The following FMN1 variants were observed in gnomAD, a reference collection of about 807,000 sequenced individuals.
FMN1 encodes the protein formin-1.
Under a neutral mutation model 132.4 loss-of-function variants are expected in FMN1, and 110 were observed. That is an observed-to-expected ratio of 0.83 (90% confidence interval 0.71 to 0.97). The LOEUF is 0.97. FMN1 is among the 50% of genes least tolerant of loss of function. The pLI, the probability that FMN1 is intolerant of heterozygous loss-of-function variation, is 0.00. For missense variants in FMN1, 1,792 were observed against 1,705.3 expected, an observed-to-expected ratio of 1.05 and a Z score of -0.90; for synonymous variants, 722 against 651.7, an observed-to-expected ratio of 1.11 and a Z score of -1.64.
intron 20 of FMN1, among the ~76,000 whole-genome samples, chr15:32,775,987 C>A (rs1345829020): frequency 6.6e-6 from 1 of 152,156 alleles, no homozygotes; most frequent in East Asian, 1.9e-4. Context: ...AGCTGAAATT[C>A]ACAGCAACAA....
intron 16 of FMN1, among the ~76,000 whole-genome samples, chr15:32,874,555 T>A (rs2059594705): frequency 6.6e-6 from 1 of 152,118 alleles, no homozygotes; most frequent in Non-Finnish European, 1.5e-5. Context: ...GGAGGGAAAA[T>A]TCTATATACC....
intron 7 of FMN1, among the ~76,000 whole-genome samples, chr15:32,998,248 T>C (rs1220740933): frequency 6.6e-6 from 1 of 152,252 alleles, no homozygotes; most frequent in Non-Finnish European, 1.5e-5. Flanking sequence ...AATAGCCTTC[T>C]ACCTAAATAC....
intron 7 of FMN1, among the ~76,000 whole-genome samples, chr15:32,978,252 G>C (rs2032372373): frequency 6.6e-6 from 1 of 152,164 alleles, no homozygotes; most frequent in Non-Finnish European, 1.5e-5. Flanking sequence ...CAAGGAAGTA[G>C]CAGGAAAGTA....
intron 6 of FMN1, among the ~76,000 whole-genome samples, chr15:33,031,089 C>T (rs1056620639): frequency 2.0e-5 from 3 of 151,804 alleles, no homozygotes; most frequent in East Asian, 3.9e-4. Flanking sequence ...TTACCACATC[C>T]GTGTTAGAAG....
chr15:33,017,549 G>C (rs921259620), intron 6 of FMN1, among the ~76,000 whole-genome samples: 1 of 152,030 alleles, frequency 6.6e-6, no homozygotes, highest in East Asian at 1.9e-4. Context: ...CTTACAGAAA[G>C]GAGCCTAATT....
Position 32,768,972 on chromosome 15 carries a change from G to GT in FMN1, c.*5337dup, listed in dbSNP as rs1304459630. The stretch of plus-strand genomic sequence containing the variant: ...AAGGACACGATCCTATCAGAGAAAG[G>GT]TAAGAGAGAAAAGGTCTTCTATGGC... On this transcript the variant is annotated 3_prime_UTR_variant, in exon 21 of 21. Transcript: ENST00000616417. 1.3e-5 allele frequency: 2 copies of GT among 151,410 alleles called. No homozygotes were observed. Among genetic ancestry groups the GT allele is most frequent in the African/African-American group, 4.8e-5 (2 of 41,262 alleles). The allele number at this position is 151,410 out of a possible 1,614,324, so 9.4% of individuals were successfully genotyped here. A position where few individuals can be genotyped will look rare whatever the true frequency, so the allele number is the denominator to read the frequency against.
chr15:32,864,836 G>A (rs945214920), intron 16 of FMN1, among the ~76,000 whole-genome samples: 2 of 152,122 alleles, frequency 1.3e-5, no homozygotes, highest in Non-Finnish European at 2.9e-5. Context: ...TATACTCCAA[G>A]AAGTAGAAAC....
intron 16 of FMN1, among the ~76,000 whole-genome samples, chr15:32,872,369 T>C (rs1187912517): frequency 1.3e-5 from 2 of 152,156 alleles, no homozygotes; most frequent in Non-Finnish European, 2.9e-5. Flanking sequence ...TGCAAGACAA[T>C]GGTTAAAAGT....
chr15:32,927,372 C>T (rs1368257352), intron 9 of FMN1, among the ~76,000 whole-genome samples: 1 of 152,134 alleles, frequency 6.6e-6, no homozygotes, highest in African/African-American at 2.4e-5. Flanking sequence ...TCCTTGCACC[C>T]TCACGAGTAG....
chr15:32,968,629 A>C, intron 8 of FMN1, 85 bp downstream of exon 8: 5 of 1,578,078 alleles, frequency 3.2e-6, no homozygotes, highest in Non-Finnish European at 4.3e-6. Flanking sequence ...TACACTATGG[A>C]GATATTGACC....
intron 16 of FMN1, among the ~76,000 whole-genome samples, chr15:32,882,696 G>GT (rs1452340400): frequency 6.6e-6 from 1 of 152,090 alleles, no homozygotes; most frequent in Non-Finnish European, 1.5e-5. Flanking sequence ...ATTTTTTAGT[G>GT]TAAGTGTGTA....
At chr15:32,846,476 T>A (rs151087797) in intron 17 of FMN1, among the ~76,000 whole-genome samples, 18 of 152,292 alleles carry the variant, frequency 1.2e-4, no homozygotes, top group East Asian at 9.6e-4. Context: ...TCAACATCAC[T>A]GATCATTAGA....
At chr15:33,192,992 A>C (rs1966130706) in intron 2 of FMN1, among the ~76,000 whole-genome samples, 1 of 152,192 alleles carries the variant, frequency 6.6e-6, no homozygotes. Context: ...ATTTGAACCT[A>C]TGTCTGACAG....
chr15:32,865,455 A>G (rs1017844080), intron 16 of FMN1, among the ~76,000 whole-genome samples: 5 of 152,238 alleles, frequency 3.3e-5, no homozygotes, highest in African/African-American at 1.2e-4. Flanking sequence ...CTAGGAATCA[A>G]AAGTGGGAAA....
chr15:33,013,167 G>C (rs2034829983), intron 6 of FMN1: 1 of 365,900 alleles, frequency 2.7e-6, no homozygotes, highest in South Asian at 2.3e-5. Flanking sequence ...AAAGCACAGT[G>C]GTGGCACAGG....
intron 16 of FMN1, among the ~76,000 whole-genome samples, chr15:32,874,275 C>T (rs561217541): frequency 8.5e-5 from 13 of 152,120 alleles, no homozygotes; most frequent in Admixed American, 5.9e-4. Context: ...CCTGCCTCGG[C>T]CTCCCAAAGT....
intron 3 of FMN1, among the ~76,000 whole-genome samples, chr15:33,160,207 A>C (rs993233096): frequency 2.0e-5 from 3 of 152,134 alleles, no homozygotes; most frequent in African/African-American, 7.2e-5. Context: ...AGATAAGACA[A>C]CTTCCCAGGG....
intron 4 of FMN1, among the ~76,000 whole-genome samples, chr15:33,142,030 C>T (rs1233792791): frequency 2.0e-5 from 3 of 152,292 alleles, no homozygotes; most frequent in Non-Finnish European, 4.4e-5. Flanking sequence ...CTCTTTTCCC[C>T]ATGAAATAAT....
chr15:33,135,241 G>T (rs371534162), intron 4 of FMN1, among the ~76,000 whole-genome samples: 9 of 152,128 alleles, frequency 5.9e-5, no homozygotes, highest in South Asian at 2.1e-4. Context: ...GCGCTAGAAG[G>T]TTCTCTACAT....
Sources: gnomAD v4.1 joint callset for allele counts (sites outside exome capture counted in the v4.1 genomes callset) on GRCh38, gnomAD v4.1.1 for gene constraint, MANE v1.5 for transcripts, NCBI Gene and HGNC (gene_info 2026-07-23, HGNC 2026-07-21) for gene names.